Variants in TFDP2 observed in about 807,000 individuals in gnomAD.
TFDP2 encodes the protein transcription factor Dp-2.
A neutral mutation model predicts 59.3 loss-of-function variants in TFDP2; 17 were observed. That is an observed-to-expected ratio of 0.29 (90% CI 0.20 to 0.43). TFDP2 has a LOEUF of 0.43. Ranked by LOEUF, TFDP2 falls within the 20% of genes least tolerant of loss-of-function variation. The pLI, the probability that TFDP2 is intolerant of heterozygous loss-of-function variation, is 1.00. For missense variants in TFDP2, 391 were observed against 528.8 expected, an observed-to-expected ratio of 0.74 and a Z score of 2.56; for synonymous variants, 180 against 194.7, an observed-to-expected ratio of 0.92 and a Z score of 0.63.
At chr3:142,147,058 C>CA (rs3070389) in intron 1 of TFDP2, among the ~76,000 whole-genome samples, 33,558 of 104,960 alleles carry the variant, frequency 0.32, 5,210 homozygotes, top group African/African-American at 0.47. Flanking sequence ...AACCCTGTCT[C>CA]AAAAAAAAAA....
At chr3:141,976,569 C>A (rs1024073727) in intron 7 of TFDP2, among the ~76,000 whole-genome samples, 2 of 152,210 alleles carry the variant, frequency 1.3e-5, no homozygotes, top group African/African-American at 4.8e-5. Context: ...CATATGAATA[C>A]CTAGCAAAGA....
rs1227123050 is a variant in TFDP2 at position 141,950,140 on chromosome 3, G to C, written c.*2373C>G. 1.3e-5 allele frequency: 2 copies of C among 152,146 alleles called. No homozygotes were observed. Among genetic ancestry groups the C allele is most frequent in the Non-Finnish European group, 2.9e-5 (2 of 68,080 alleles). 9.4% of individuals were successfully genotyped at this position (152,146 alleles called of 1,614,324 possible). On this transcript the variant is annotated 3_prime_UTR_variant, in exon 13 of 13. Coordinates refer to ENST00000489671, the MANE Select transcript of TFDP2 (RefSeq NM_001178139.2). ...CCTAACACTGCCTCACTTTGATCTT[G>C]TGTGAAATTGTGACTCAGTGCTGAG... is the stretch of plus-strand genomic sequence containing the variant.
intron 3 of TFDP2, among the ~76,000 whole-genome samples, chr3:142,045,608 T>G (rs1947298521): frequency 8.7e-6 from 1 of 114,992 alleles, no homozygotes; most frequent in Non-Finnish European, 1.7e-5. Flanking sequence ...TAGGTATTAT[T>G]TGACTTTTTT....
At chr3:142,087,344 G>A (rs948084640) in intron 3 of TFDP2, among the ~76,000 whole-genome samples, 23 of 152,118 alleles carry the variant, frequency 1.5e-4, no homozygotes, top group Non-Finnish European at 2.9e-4. Context: ...GTAACACATG[G>A]TAAGTATTTG....
chr3:142,093,947 A>G (rs778725290), intron 2 of TFDP2: 2 of 512,982 alleles, frequency 3.9e-6, no homozygotes, highest in Non-Finnish European at 7.8e-6. Context: ...AATCCATGTC[A>G]GCATACGTTA....
intron 3 of TFDP2, among the ~76,000 whole-genome samples, chr3:142,023,138 A>AAAAAAG (rs1560050639): frequency 2.7e-5 from 4 of 150,336 alleles, no homozygotes; most frequent in Middle Eastern, 3.4e-3. Flanking sequence ...AAAAAAAAAA[A>AAAAAAG]AAAAAGAAAA....
intron 3 of TFDP2, among the ~76,000 whole-genome samples, chr3:142,014,340 G>A (rs189143216): frequency 1.2e-3 from 183 of 151,872 alleles, no homozygotes; most frequent in Non-Finnish European, 2.1e-3. Context: ...TGTAGGGAGG[G>A]GGTCTCAGTA....
chr3:141,968,572 A>C (rs1159688630), intron 9 of TFDP2, among the ~76,000 whole-genome samples: 7 of 107,862 alleles, frequency 6.5e-5, no homozygotes, highest in South Asian at 2.7e-4. Context: ...AGATATATAT[A>C]ACATATATAT....
chr3:141,995,650 G>A (rs371576250), intron 4 of TFDP2, among the ~76,000 whole-genome samples: 61 of 152,128 alleles, frequency 4.0e-4, no homozygotes, highest in Non-Finnish European at 7.1e-4. Context: ...TTGGGAGGCC[G>A]AGGTGGGAGG....
intron 3 of TFDP2, among the ~76,000 whole-genome samples, chr3:142,032,633 T>C (rs1223557968): frequency 6.6e-6 from 1 of 152,204 alleles, no homozygotes; most frequent in Non-Finnish European, 1.5e-5. Context: ...AGTATTGAAC[T>C]TCCTGTCTAC....
intron 1 of TFDP2, among the ~76,000 whole-genome samples, chr3:142,115,349 C>T (rs1376347261): frequency 2.7e-5 from 4 of 149,640 alleles, no homozygotes; most frequent in African/African-American, 9.9e-5. Context: ...GACAGAGTCC[C>T]GCTCTCTCGC....
chr3:141,995,931 CTT>C (rs1401001558), intron 4 of TFDP2, among the ~76,000 whole-genome samples: 1 of 147,254 alleles, frequency 6.8e-6, no homozygotes, highest in East Asian at 2.0e-4. Flanking sequence ...ATTAAATACT[CTT>C]TGAAGATAGT....
chr3:141,994,931 C>T (rs956552837), intron 5 of TFDP2, 89 bp downstream of exon 5: 6 of 1,216,520 alleles, frequency 4.9e-6, no homozygotes, highest in Non-Finnish European at 6.6e-6. Flanking sequence ...AAGAACTAAA[C>T]TAAAACAAGA....
At chr3:141,991,603 C>CA (rs1942770650) in intron 6 of TFDP2, among the ~76,000 whole-genome samples, 1 of 151,756 alleles carries the variant, frequency 6.6e-6, no homozygotes, top group Admixed American at 6.6e-5. Context: ...ACTACAAATA[C>CA]AAAAATTAGC....
Position 141,958,834 on chromosome 3 carries a change from T to A in TFDP2, c.1051+840A>T, listed in dbSNP as rs186505858. On this transcript the variant is annotated intron_variant, in intron 11 of 12. Coordinates refer to ENST00000489671, the MANE Select transcript of TFDP2 (RefSeq NM_001178139.2). Reference sequence around the variant, plus strand: ...CGTTCTGCCCTTTTTTCCCCTGACATTTAAACTTTCAGTCCACTCCTCCTC... The same window carrying A: ...CGTTCTGCCCTTTTTTCCCCTGACAATTAAACTTTCAGTCCACTCCTCCTC... Among the ~76,000 whole-genome samples the A allele has an allele frequency of 7.7e-4, 117 of 152,246 alleles. 1 individual carries two copies. The highest frequency in any genetic ancestry group is 2.7e-3 in the African/African-American group (113 of 41,560).
intron 2 of TFDP2, among the ~76,000 whole-genome samples, chr3:142,096,502 C>T (rs563988302): frequency 6.6e-6 from 1 of 152,112 alleles, no homozygotes; most frequent in South Asian, 2.1e-4. Context: ...GTATTCCTCT[C>T]TTTTTTCTCA....
chr3:142,129,951 A>C (rs1244305126), intron 1 of TFDP2, among the ~76,000 whole-genome samples: 2 of 152,144 alleles, frequency 1.3e-5, no homozygotes, highest in Admixed American at 6.5e-5. Context: ...AAGTGTTAGC[A>C]AGGGTGTAGT....
chr3:142,118,996 TA>T (rs1316126646), intron 1 of TFDP2, among the ~76,000 whole-genome samples: 1 of 151,942 alleles, frequency 6.6e-6, no homozygotes, highest in Non-Finnish European at 1.5e-5. Flanking sequence ...CCATCTCCAC[TA>T]AAAATACAAA....
intron 3 of TFDP2, among the ~76,000 whole-genome samples, chr3:142,025,213 A>C (rs1945979611): frequency 6.6e-6 from 1 of 152,146 alleles, no homozygotes; most frequent in African/African-American, 2.4e-5. Context: ...TTTCTCATAG[A>C]GTATAAATCA....
Sources: allele counts gnomAD v4.1 joint callset (sites outside exome capture counted in the v4.1 genomes callset), GRCh38; gene constraint gnomAD v4.1.1; transcripts MANE v1.5; gene names NCBI Gene and HGNC (gene_info 2026-07-23, HGNC 2026-07-21).